Variants in PIGO observed in about 807,000 individuals in gnomAD.
PIGO encodes the protein GPI ethanolamine phosphate transferase 3, catalytic subunit.
PIGO carries 66 observed loss-of-function variants against 86.9 expected under a neutral mutation model. That is an observed-to-expected ratio of 0.76 (90% CI 0.62 to 0.93). The LOEUF is 0.93. Ranked by LOEUF, PIGO falls within the 40% of genes least tolerant of loss-of-function variation. The probability of loss-of-function intolerance (pLI) is 0.00; values close to 1 mark genes in which losing one functional copy is unlikely to be tolerated. For synonymous variants in PIGO, 570 were observed against 556.4 expected, an observed-to-expected ratio of 1.02 and a Z score of -0.34; for missense variants, 1,202 against 1,359.1, an observed-to-expected ratio of 0.88 and a Z score of 1.82.
At chr9:35,093,851 C>A in intron 4 of PIGO, 50 bp downstream of exon 4, 1 of 1,598,534 alleles carries the variant, frequency 6.3e-7, no homozygotes, top group Non-Finnish European at 8.5e-7. Flanking sequence ...AGAGCTTCTT[C>A]GAGATTCTCA....
In PIGO at chr9:35,095,355, C is replaced by T. The variant is rs540103270; in HGVS notation, c.211G>A (p.Val71Met). The part of the protein sequence containing the change: ...CWMASRFSRV[V>M]LVLIDALRFD... ...CGCAGAGCATCTATCAGCACCAACA[C>T]AACCCGCGAAAATCGGGAAGCCATC... Residue 71 changes from valine (V) to methionine (M), a missense_variant, in exon 2 of 11, where the codon GTG (valine) becomes ATG (methionine). Val to Met is a conservative substitution (Grantham distance 21). Transcript: ENST00000378617. 6.2e-7 allele frequency: 1 copy of T among 1,614,200 alleles called. No homozygotes were observed. The highest frequency in any genetic ancestry group is 2.2e-5 in the East Asian group (1 of 44,870).
rs1829290149 is a variant in PIGO, at chr9:35,088,881, C to G, written c.*211G>C. 1.5e-6 allele frequency: 1 copy of G among 645,816 alleles called. No homozygotes were observed. The highest frequency in any genetic ancestry group is 1.8e-5 in the African/African-American group (1 of 54,914). The allele number at this position is 645,816 out of a possible 1,614,324, so 40.0% of individuals were successfully genotyped here. A position where few individuals can be genotyped will look rare whatever the true frequency, so the allele number is the denominator to read the frequency against. On this transcript the variant is annotated 3_prime_UTR_variant, in exon 11 of 11. Transcript: ENST00000378617. Reference sequence around the variant, plus strand: ...ACTTCGGAGACCGCCCCCCTTGTCCCTCAGATGCATCCAAATCAGGAGTTA... The same window carrying G: ...ACTTCGGAGACCGCCCCCCTTGTCCGTCAGATGCATCCAAATCAGGAGTTA...
At position 35,089,037 on chromosome 9, in the gene PIGO, G is replaced by A. The variant is rs563964781; in HGVS notation, c.*55C>T. 6.8e-6 allele frequency: 11 copies of A among 1,610,090 alleles called. No homozygotes were observed. In the South Asian group the frequency reaches 7.7e-5, roughly 11 times the overall value. ...ATCATCCAGTACCTGTACAGGCCAGGCTACACTGTTCTCAAGCACTCTCTG... is the reference window on the plus strand; with the variant it reads ...ATCATCCAGTACCTGTACAGGCCAGACTACACTGTTCTCAAGCACTCTCTG... On this transcript the variant is annotated 3_prime_UTR_variant, in exon 11 of 11. Transcript: ENST00000378617.
chr9:35,090,459 G>C lies in PIGO; in HGVS notation c.2854+7C>G, dbSNP rs768338180. The stretch of plus-strand genomic sequence containing the variant: ...ACAATGGAAGCAAGTGAAGGAGGAG[G>C]GGGTACCTGCAAAGAGGAGGTGGGA... On this transcript the variant is annotated splice_region_variant and intron_variant, in intron 8 of 10. Transcript: ENST00000378617. The C allele has an allele frequency of 7.5e-6, 12 of 1,605,800 alleles. No homozygotes were observed. The highest frequency in any genetic ancestry group is 5.0e-5 in the Admixed American group (3 of 59,568).
chr9:35,092,132 A>G lies in PIGO; in HGVS notation c.1755T>C (p.Val585=). 6.2e-7 allele frequency: 1 copy of G among 1,614,228 alleles called. No individual in the cohort carries two copies. Among genetic ancestry groups the G allele is most frequent in the Non-Finnish European group, 8.5e-7 (1 of 1,180,032 alleles). Residue 585 remains valine, a synonymous_variant, in exon 7 of 11, where the codon GTT becomes GTC. Coordinates refer to ENST00000378617, the MANE Select transcript of PIGO (RefSeq NM_032634.4). ...FLLGSFILLL[V]VQLHWEGQLL... The stretch of plus-strand genomic sequence containing the variant: ...GCTGGCCCTCCCAGTGAAGCTGGAC[A>G]ACCAGGAGCAGGATGAATGAGCCCA...
In PIGO at chr9:35,094,975, C is replaced by A. The variant is rs1386717670; in HGVS notation, c.511+80G>T. On this transcript the variant is annotated intron_variant, in intron 2 of 10. Transcript: ENST00000378617. ...CATAATCAAGTGTGCATCTGGGCAC[C>A]CAAAGGTCTGACTCCCTGACTTCAA... is the stretch of plus-strand genomic sequence containing the variant. 7 of 1,513,600 alleles carry A rather than the reference C, an allele frequency of 4.6e-6. No homozygotes were observed. In the East Asian group the frequency reaches 1.6e-4, roughly 34 times the overall value. The allele number at this position is 1,513,600 out of a possible 1,614,324, so 93.8% of individuals were successfully genotyped here.
Position 35,094,306 on chromosome 9 carries a change from C to A in PIGO, c.565G>T (p.Ala189Ser), listed in dbSNP as rs746960142. The change falls in exon 3 of 11, where the codon GCT becomes TCT. Residue 189 changes from alanine (A) to serine (S), a missense_variant. Coordinates refer to ENST00000378617, the MANE Select transcript of PIGO (RefSeq NM_032634.4). Reference protein sequence around the residue: ...DDTWKDLFPGAFSKAFFFPSF... With the variant: ...DDTWKDLFPGSFSKAFFFPSF... Reference sequence around the variant, plus strand: ...GGGAAGAAGAAAGCTTTGGAGAAAGCACCAGGGAAAAGGTCTTTCCAGGTA... The same window carrying A: ...GGGAAGAAGAAAGCTTTGGAGAAAGAACCAGGGAAAAGGTCTTTCCAGGTA... 7.5e-6 allele frequency: 12 copies of A among 1,607,764 alleles called. No individual in the cohort carries two copies. Among genetic ancestry groups the A allele is most frequent in the Non-Finnish European group, 1.0e-5 (12 of 1,178,470 alleles).
chr9:35,094,619 G>A (rs1425783585), intron 2 of PIGO, among the ~76,000 whole-genome samples: 1 of 152,126 alleles, frequency 6.6e-6, no homozygotes, highest in Non-Finnish European at 1.5e-5. Flanking sequence ...TATCTCTACT[G>A]AGTTGTTTTT....
chr9:35,090,713 C>T, intron 7 of PIGO, 41 bp from the exon 8 acceptor site: 1 of 1,586,250 alleles, frequency 6.3e-7, no homozygotes, highest in Non-Finnish European at 8.6e-7. Flanking sequence ...ACTTCTTATT[C>T]CCTAATCCAT....
chr9:35,096,465 G>C lies in PIGO; in HGVS notation c.-312C>G, dbSNP rs1287089536. The C allele has an allele frequency of 6.6e-6, 1 of 152,342 alleles. No homozygotes were observed. 9.4% of individuals were successfully genotyped at this position (152,342 alleles called of 1,614,324 possible). A position where few individuals can be genotyped will look rare whatever the true frequency, so the allele number is the denominator to read the frequency against. ...CTGGGCACCCTAGCCGCGGTACTGAGCACCTTGGTTAGGAGCTGAGGGGAA... is the reference window on the plus strand; with the variant it reads ...CTGGGCACCCTAGCCGCGGTACTGACCACCTTGGTTAGGAGCTGAGGGGAA... On this transcript the variant is annotated 5_prime_UTR_variant, in exon 1 of 11. Transcript: ENST00000378617.
intron 2 of PIGO, among the ~76,000 whole-genome samples, chr9:35,094,629 T>C (rs1413845806): frequency 6.6e-6 from 1 of 152,190 alleles, no homozygotes; most frequent in Non-Finnish European, 1.5e-5. Flanking sequence ...GAGTTGTTTT[T>C]CCTGGGTGTA....
chr9:35,095,488 A>G lies in PIGO; in HGVS notation c.78T>C (p.Ser26=). Residue 26 remains serine, a synonymous_variant, in exon 2 of 11, where the codon AGT becomes AGC. Coordinates refer to ENST00000378617, the MANE Select transcript of PIGO (RefSeq NM_032634.4). ...GCTCCAAACGGGTGAGCAGGAAGCC[A>G]CTGGTGAAGAGGGCAATGCCAGCGT... ...LFYAGIALFT[S]GFLLTRLELT... 2 of 1,613,188 alleles carry G rather than the reference A, an allele frequency of 1.2e-6. No individual in the cohort carries two copies. Among genetic ancestry groups the G allele is most frequent in the East Asian group, 2.2e-5 (1 of 44,868 alleles).
intron 4 of PIGO, 94 bp downstream of exon 4, chr9:35,093,807 G>A: frequency 6.4e-7 from 1 of 1,552,182 alleles, no homozygotes; most frequent in South Asian, 1.2e-5. Context: ...GCCTAGAGAA[G>A]ACAGAATTCA....
rs1413913525 is a variant in PIGO, at chr9:35,088,832, A to T, written c.*260T>A. Reference sequence around the variant, plus strand: ...AGTGCTGGGATTATAGGTGCAAGTCACCACGCCCGGCCTATTTTATTCCAC... The same window carrying T: ...AGTGCTGGGATTATAGGTGCAAGTCTCCACGCCCGGCCTATTTTATTCCAC... On this transcript the variant is annotated 3_prime_UTR_variant, in exon 11 of 11. Transcript: ENST00000378617. 1 of 392,606 alleles carries T rather than the reference A, an allele frequency of 2.5e-6. No homozygotes were observed. 24.3% of individuals were successfully genotyped at this position (392,606 alleles called of 1,614,324 possible).
In PIGO at chr9:35,094,270, C is replaced by T. The variant is rs752145575; in HGVS notation, c.601G>A (p.Val201Ile). 1.2e-6 allele frequency: 2 copies of T among 1,607,632 alleles called. No homozygotes were observed. The highest frequency in any genetic ancestry group is 8.5e-7 in the Non-Finnish European group (1 of 1,178,434). The change falls in exon 3 of 11, where the codon GTC (valine) becomes ATC (isoleucine). Residue 201 changes from valine to isoleucine, a missense_variant. Physicochemically the swap from Val to Ile is conservative, Grantham distance 29 (BLOSUM62 3). Transcript: ENST00000378617. ...TTGTCCACTGTGTCTAGGTCTCTGA[C>T]ATTGAAGGATGGGAAGAAGAAAGCT... is the stretch of plus-strand genomic sequence containing the variant. ...SKAFFFPSFN[V>I]RDLDTVDNGI...
Position 35,089,112 on chromosome 9 carries a change from A to G in PIGO, c.3250T>C (p.Phe1084Leu). 1 of 1,614,166 alleles carries G rather than the reference A, an allele frequency of 6.2e-7. No homozygotes were observed. Among genetic ancestry groups the G allele is most frequent in the Non-Finnish European group, 8.5e-7 (1 of 1,180,028 alleles). The change falls in exon 11 of 11, where the codon TTT (phenylalanine) becomes CTT (leucine). Residue 1084 changes from phenylalanine to leucine, a missense_variant. Coordinates refer to ENST00000378617, the MANE Select transcript of PIGO (RefSeq NM_032634.4). ...CTAGGCTACCTCTGCTGGGCCAGAA[A>G]TAGCTGCCTGAACCAGGAGCTCACA... ...GAVSSWFRQL[F>L]LAQQR is the part of the protein sequence containing the mutation.
rs767466860 is a variant in PIGO at position 35,092,591 on chromosome 9, C to A, written c.1296G>T (p.Leu432=). The part of the protein sequence containing the change: ...PTVIAELQQF[L]RGARAMCIES... ...CGATGCACATGGCCCGAGCTCCCCGCAGGAACTGCTGCAGCTCAGCAATCA... is the reference window on the plus strand; with the variant it reads ...CGATGCACATGGCCCGAGCTCCCCGAAGGAACTGCTGCAGCTCAGCAATCA... The change falls in exon 7 of 11, where the codon CTG becomes CTT. Residue 432 remains leucine, a synonymous_variant. Transcript: ENST00000378617. The A allele has an allele frequency of 1.2e-6, 2 of 1,614,242 alleles. No homozygotes were observed. The highest frequency in any genetic ancestry group is 1.7e-6 in the Non-Finnish European group (2 of 1,180,050).
rs572623400 is a variant in PIGO, at chr9:35,090,454, A to T, written c.2854+12T>A. 1 of 1,604,078 alleles carries T rather than the reference A, an allele frequency of 6.2e-7. No homozygotes were observed. Among genetic ancestry groups the T allele is most frequent in the South Asian group, 1.1e-5 (1 of 90,520 alleles). On this transcript the variant is annotated intron_variant, in intron 8 of 10. Coordinates refer to ENST00000378617, the MANE Select transcript of PIGO (RefSeq NM_032634.4). The stretch of plus-strand genomic sequence containing the variant: ...AGTAAACAATGGAAGCAAGTGAAGG[A>T]GGAGGGGGTACCTGCAAAGAGGAGG...
At chr9:35,089,883 C>A in intron 9 of PIGO, 183 bp downstream of exon 9, 3 of 1,427,010 alleles carry the variant, frequency 2.1e-6, no homozygotes, top group South Asian at 3.1e-5. Context: ...TGATCCAGGA[C>A]TAGGATTAAG....
Sources: gnomAD v4.1 joint callset for allele counts (sites outside exome capture counted in the v4.1 genomes callset) on GRCh38, gnomAD v4.1.1 for gene constraint, MANE v1.5 for transcripts, NCBI Gene and HGNC (gene_info 2026-07-23, HGNC 2026-07-21) for gene names.